Variants in AFG2A observed in about 807,000 individuals in gnomAD.
AFG2A encodes ATPase family gene 2 protein homolog A.
At chr4:123,117,486 C>T in the AFG2A span, among the ~76,000 whole-genome samples, 3 of 148,680 alleles carry the variant, frequency 2.0e-5, no homozygotes, top group African/African-American at 7.5e-5. Context: ...AGTTAGCATA[C>T]GAGATAGAGC....
chr4:122,985,287 G>A, the AFG2A span, among the ~76,000 whole-genome samples: 1 of 151,886 alleles, frequency 6.6e-6, no homozygotes, highest in Non-Finnish European at 1.5e-5. Flanking sequence ...GTGCCATCAC[G>A]CCTGGCTAAT....
chr4:123,105,800 G>A, the AFG2A span, among the ~76,000 whole-genome samples: 6 of 152,338 alleles, frequency 3.9e-5, no homozygotes, highest in South Asian at 1.0e-3. Flanking sequence ...TAGAATGGAT[G>A]AGGAGTTATT....
At chr4:123,112,810 A>AT in the AFG2A span, among the ~76,000 whole-genome samples, 2 of 151,642 alleles carry the variant, frequency 1.3e-5, no homozygotes, top group East Asian at 1.9e-4. Context: ...TGATATTTTG[A>AT]TTTTTTTCCA....
the AFG2A span, among the ~76,000 whole-genome samples, chr4:123,165,782 T>G: frequency 6.6e-6 from 1 of 152,190 alleles, no homozygotes; most frequent in Non-Finnish European, 1.5e-5. Context: ...CCTAGTTGAC[T>G]ATAAAGTGAA....
At chr4:123,087,431 CAAT>C in the AFG2A span, among the ~76,000 whole-genome samples, 1 of 152,188 alleles carries the variant, frequency 6.6e-6, no homozygotes, top group Non-Finnish European at 1.5e-5. Context: ...AATAAAACCT[CAAT>C]AACATAAGCT....
At chr4:123,303,485 G>C in the AFG2A span, among the ~76,000 whole-genome samples, 2 of 152,098 alleles carry the variant, frequency 1.3e-5, no homozygotes, top group Admixed American at 6.5e-5. Context: ...TAACGTTAAG[G>C]CCGGGCATGG....
the AFG2A span, among the ~76,000 whole-genome samples, chr4:123,270,541 A>G: frequency 6.6e-6 from 1 of 152,214 alleles, no homozygotes; most frequent in African/African-American, 2.4e-5. Flanking sequence ...ATTTAGGTGC[A>G]TGTTGCTTTC....
At chr4:123,297,287 T>A in the AFG2A span, among the ~76,000 whole-genome samples, 2 of 152,220 alleles carry the variant, frequency 1.3e-5, no homozygotes, top group South Asian at 4.1e-4. Context: ...ACAAATTTCA[T>A]AATCATTTTC....
At chr4:123,043,979 G>A in the AFG2A span, among the ~76,000 whole-genome samples, 1 of 152,188 alleles carries the variant, frequency 6.6e-6, no homozygotes, top group East Asian at 1.9e-4. Flanking sequence ...CTCTTGACCA[G>A]TCCATGTTTG....
the AFG2A span, among the ~76,000 whole-genome samples, chr4:123,176,386 C>T: frequency 6.6e-6 from 1 of 152,176 alleles, no homozygotes; most frequent in African/African-American, 2.4e-5. Flanking sequence ...ACCAGAGCAG[C>T]TCTCAAATAT....
the AFG2A span, among the ~76,000 whole-genome samples, chr4:123,223,068 T>C: frequency 2.6e-5 from 4 of 152,212 alleles, no homozygotes; most frequent in African/African-American, 9.6e-5. Flanking sequence ...GTGGGATTGC[T>C]GGATTAATAT....
the AFG2A span, among the ~76,000 whole-genome samples, chr4:122,929,620 G>T: frequency 1.3e-5 from 2 of 152,016 alleles, no homozygotes; most frequent in Non-Finnish European, 2.9e-5. Flanking sequence ...GATTGCTTGA[G>T]CCTGGGAGGT....
the AFG2A span, among the ~76,000 whole-genome samples, chr4:123,240,982 C>T: frequency 6.6e-6 from 1 of 152,272 alleles, no homozygotes; most frequent in Middle Eastern, 3.4e-3. Context: ...ATACAAACTA[C>T]CATCAGAGAA....
chr4:122,992,592 G>A, the AFG2A span, among the ~76,000 whole-genome samples: 1 of 152,194 alleles, frequency 6.6e-6, no homozygotes, highest in Non-Finnish European at 1.5e-5. Context: ...AAATAGTATA[G>A]TGGGCATTTA....
the AFG2A span, among the ~76,000 whole-genome samples, chr4:123,148,767 CTATTTTTTTTTT>C: frequency 6.9e-6 from 1 of 143,928 alleles, no homozygotes; most frequent in Non-Finnish European, 1.5e-5. Context: ...CACACACACT[CTATTTTTTTTTT>C]TTTTTTTGAG....
the AFG2A span, among the ~76,000 whole-genome samples, chr4:123,064,211 T>G: frequency 6.6e-6 from 1 of 152,182 alleles, no homozygotes; most frequent in Non-Finnish European, 1.5e-5. Flanking sequence ...TGCATGATTC[T>G]TTTTTCAAAG....
the AFG2A span, chr4:122,947,486 C>G: frequency 6.2e-7 from 1 of 1,608,400 alleles, no homozygotes; most frequent in African/African-American, 1.3e-5. Flanking sequence ...TGTAATGAAG[C>G]AGGTGAGTGT....
chr4:122,939,430 A>T, the AFG2A span, among the ~76,000 whole-genome samples: 1 of 152,188 alleles, frequency 6.6e-6, no homozygotes, highest in African/African-American at 2.4e-5. Flanking sequence ...TATGGAAGGA[A>T]CATTCATAGG....
the AFG2A span, chr4:123,316,526 CAA>C: frequency 1.3e-5 from 2 of 152,232 alleles, no homozygotes; most frequent in South Asian, 2.1e-4. Flanking sequence ...AATTATGAAA[CAA>C]GAGAGGAACT....
Sources: gnomAD v4.1 joint callset for allele counts (sites outside exome capture counted in the v4.1 genomes callset) on GRCh38, gnomAD v4.1.1 for gene constraint, MANE v1.5 for transcripts, NCBI Gene and HGNC (gene_info 2026-07-23, HGNC 2026-07-21) for gene names.